Variants in PMEPA1 observed in about 807,000 individuals in gnomAD.
PMEPA1 encodes the protein prostate transmembrane protein, androgen induced 1, also known as protein TMEPAI.
Under a neutral mutation model 23.0 loss-of-function variants are expected in PMEPA1, and 11 were observed. That is an observed-to-expected ratio of 0.48 (90% confidence interval 0.30 to 0.79). PMEPA1 has a LOEUF of 0.79. Among genes scored for constraint, PMEPA1 ranks in the 30% least tolerant of loss-of-function variants. The pLI is 0.06. For missense variants in PMEPA1, 377 were observed against 390.9 expected, an observed-to-expected ratio of 0.96 and a Z score of 0.30; for synonymous variants, 204 against 166.4, an observed-to-expected ratio of 1.23 and a Z score of -1.74.
In PMEPA1 at chr20:57,704,381, A is replaced by C. The variant is rs748032619; in HGVS notation, c.109+5093T>G. ...CCATCCTTGTCACTCCAGAGGGTGC[A>C]TGAAGAGTAGGTCCGTCTCCCGCAC... On this transcript the variant is annotated intron_variant, in intron 1 of 3. Coordinates refer to ENST00000341744, the MANE Select transcript of PMEPA1 (RefSeq NM_020182.5). This position sits in a 1 kb window ranked among gnomAD's most constrained non-coding sequence, Gnocchi z 4.6. 3.9e-5 allele frequency among the ~76,000 whole-genome samples: 6 copies of C among 152,170 alleles called. No homozygotes were observed. Among genetic ancestry groups the C allele is most frequent in the South Asian group, 4.1e-4 (2 of 4,832 alleles).
At chr20:57,681,689 T>C (rs1221093493) in intron 1 of PMEPA1, among the ~76,000 whole-genome samples, 1 of 152,236 alleles carries the variant, frequency 6.6e-6, no homozygotes, top group Non-Finnish European at 1.5e-5. Context: ...CGATTCTCTG[T>C]GGTTTTCCCA....
intron 1 of PMEPA1, among the ~76,000 whole-genome samples, 197 bp from the exon 2 acceptor site, chr20:57,659,894 G>A (rs1568964294): frequency 1.3e-5 from 2 of 152,242 alleles, no homozygotes; most frequent in South Asian, 4.1e-4. Flanking sequence ...CTGCTCTCAC[G>A]GCGGAGGAGG....
chr20:57,663,572 A>G (rs1436569099), intron 1 of PMEPA1, among the ~76,000 whole-genome samples: 1 of 152,186 alleles, frequency 6.6e-6, no homozygotes, highest in Non-Finnish European at 1.5e-5. Context: ...TCCACCCTCA[A>G]AGAGACATGA....
At chr20:57,668,038 T>C (rs1470784763) in intron 1 of PMEPA1, among the ~76,000 whole-genome samples, 1 of 152,180 alleles carries the variant, frequency 6.6e-6, no homozygotes, top group Non-Finnish European at 1.5e-5. Flanking sequence ...GGGCGGCAAA[T>C]CTAGGCCGGT....
chr20:57,707,645 CTTTTT>C (rs10709084), intron 1 of PMEPA1, among the ~76,000 whole-genome samples: 2 of 137,198 alleles, frequency 1.5e-5, no homozygotes, highest in African/African-American at 5.3e-5. Flanking sequence ...AAGAACAATG[CTTTTT>C]TTTTTTTTTT....
At chr20:57,700,139 T>C in intron 1 of PMEPA1, 1 of 471,446 alleles carries the variant, frequency 2.1e-6, no homozygotes, top group East Asian at 6.9e-5. Flanking sequence ...CAGAGACTCT[T>C]CCACTCCTGA....
chr20:57,687,186 A>G (rs760893298), intron 1 of PMEPA1, among the ~76,000 whole-genome samples: 2 of 152,212 alleles, frequency 1.3e-5, no homozygotes, highest in Non-Finnish European at 2.9e-5. Context: ...TGAGTTCAAG[A>G]TGTGGAGCAA....
Position 57,656,384 on chromosome 20 carries a change from C to T in PMEPA1, c.264+3159G>A, listed in dbSNP as rs2146640837. 6.6e-6 allele frequency among the ~76,000 whole-genome samples: 1 copy of T among 151,750 alleles called. No individual in the cohort carries two copies. Among genetic ancestry groups the T allele is most frequent in the South Asian group, 2.1e-4 (1 of 4,812 alleles). On this transcript the variant is annotated intron_variant, in intron 2 of 3. Coordinates refer to ENST00000341744, the MANE Select transcript of PMEPA1 (RefSeq NM_020182.5). The surrounding 1 kb of genome is among the most constrained non-coding windows in gnomAD (Gnocchi z 4.7). ...CTGGGTTCTCTCGGGAGCAGGAGAC[C>T]CACACTGAGGACTGATTGGGGGATA... is the stretch of plus-strand genomic sequence containing the variant.
intron 1 of PMEPA1, among the ~76,000 whole-genome samples, chr20:57,693,062 C>T (rs529478038): frequency 1.1e-4 from 17 of 152,226 alleles, no homozygotes; most frequent in Non-Finnish European, 2.5e-4. Context: ...ACGATGTTCA[C>T]GCTTATGTTG....
chr20:57,651,432 AAT>A lies in PMEPA1; in HGVS notation c.*619_*620del, dbSNP rs2071226424. ...AAGCACTGACATATTTATATTAAAA[AAT>A]AGTGCAAAATCTCAACATTTATATA... On this transcript the variant is annotated 3_prime_UTR_variant, in exon 4 of 4. Transcript: ENST00000341744. 4 of 152,810 alleles carry A rather than the reference AAT, an allele frequency of 2.6e-5. No individual in the cohort carries two copies. Among genetic ancestry groups the A allele is most frequent in the Non-Finnish European group, 4.4e-5 (3 of 68,042 alleles). 9.5% of individuals were successfully genotyped at this position (152,810 alleles called of 1,614,324 possible).
chr20:57,668,190 C>T (rs925670177), intron 1 of PMEPA1, among the ~76,000 whole-genome samples: 3 of 152,254 alleles, frequency 2.0e-5, no homozygotes, highest in South Asian at 2.1e-4. Context: ...GGACAAGTCA[C>T]GTGGTCAGCC....
Position 57,691,395 on chromosome 20 carries a change from A to T in PMEPA1, c.109+18079T>A, listed in dbSNP as rs117912810. Among the ~76,000 whole-genome samples, 45 of 152,232 alleles carry T rather than the reference A, an allele frequency of 3.0e-4. No individual in the cohort carries two copies. The East Asian group carries it at 5.8e-3, about 20-fold the overall frequency. ...GGGGTTCTTGTGCAGGCTCTGAAAGAGGAGGAACAGACCGAGGACCAGTCA... is the reference window on the plus strand; with the variant it reads ...GGGGTTCTTGTGCAGGCTCTGAAAGTGGAGGAACAGACCGAGGACCAGTCA... On this transcript the variant is annotated intron_variant, in intron 1 of 3. Coordinates refer to ENST00000341744, the MANE Select transcript of PMEPA1 (RefSeq NM_020182.5).
chr20:57,672,519 T>G (rs1288685260), intron 1 of PMEPA1, among the ~76,000 whole-genome samples: 2 of 152,230 alleles, frequency 1.3e-5, no homozygotes, highest in African/African-American at 4.8e-5. Context: ...GCCTCATTGA[T>G]GCCCGCCGCG....
intron 1 of PMEPA1, among the ~76,000 whole-genome samples, chr20:57,688,097 C>T (rs556688528): frequency 3.3e-5 from 5 of 152,266 alleles, no homozygotes; most frequent in Non-Finnish European, 5.9e-5. Context: ...GCTCAGCCTC[C>T]GCCTCGGGAC....
chr20:57,697,918 C>T (rs1010295414), intron 1 of PMEPA1, among the ~76,000 whole-genome samples: 3 of 152,186 alleles, frequency 2.0e-5, no homozygotes, highest in African/African-American at 7.2e-5. Context: ...CGAACAACCG[C>T]AAACATCTAA....
intron 1 of PMEPA1, among the ~76,000 whole-genome samples, chr20:57,664,653 G>A (rs904232489): frequency 3.3e-5 from 5 of 152,182 alleles, no homozygotes; most frequent in South Asian, 2.1e-4. Context: ...GATGCCTCGC[G>A]GGCAAGGGAA....
intron 1 of PMEPA1, among the ~76,000 whole-genome samples, chr20:57,661,837 C>T (rs2071423338): frequency 6.6e-6 from 1 of 152,198 alleles, no homozygotes; most frequent in Non-Finnish European, 1.5e-5. Flanking sequence ...CACAGAAGCA[C>T]TCCCACACCT....
intron 1 of PMEPA1, among the ~76,000 whole-genome samples, chr20:57,670,667 C>T (rs1313538528): frequency 6.6e-5 from 10 of 152,168 alleles, no homozygotes; most frequent in Admixed American, 5.9e-4. Context: ...CCTGACTCCG[C>T]GTTGTATTCC....
intron 1 of PMEPA1, among the ~76,000 whole-genome samples, chr20:57,661,580 C>A (rs1219402401): frequency 6.6e-6 from 1 of 152,208 alleles, no homozygotes; most frequent in East Asian, 1.9e-4. Context: ...CTCCTCCTCC[C>A]AGGACCGAGG....
Sources: gnomAD v4.1 joint callset for allele counts (sites outside exome capture counted in the v4.1 genomes callset) on GRCh38, gnomAD v4.1.1 for gene constraint, Gnocchi (gnomAD v3.1) non-coding constraint, MANE v1.5 for transcripts, NCBI Gene and HGNC (gene_info 2026-07-23, HGNC 2026-07-21) for gene names.